Variants in RANBP2 observed in about 807,000 individuals in gnomAD.
RANBP2 encodes RAN binding protein 2.
Under a neutral mutation model 303.6 loss-of-function variants are expected in RANBP2, and 57 were observed. That is an observed-to-expected ratio of 0.19 (90% CI 0.15 to 0.23). RANBP2 has a LOEUF of 0.23. RANBP2 is among the 10% of genes least tolerant of loss of function. The pLI is 1.00. For missense variants in RANBP2, 3,138 were observed against 3,780.8 expected (o/e 0.83, Z 4.46); for synonymous variants, 1,167 against 1,301.5 (o/e 0.90, Z 2.23).
the RANBP2 span, chr2:108,910,391 C>A: frequency 3.0e-6 from 4 of 1,323,262 alleles, no homozygotes; most frequent in Non-Finnish European, 4.3e-6. Flanking sequence ...CGGCTGCACC[C>A]TGGTTCCCCT....
the RANBP2 span, among the ~76,000 whole-genome samples, chr2:108,965,492 C>A: frequency 9.9e-5 from 15 of 151,234 alleles, no homozygotes; most frequent in African/African-American, 3.4e-4. Context: ...TAATAAATGA[C>A]CCAGTTGTTC....
the RANBP2 span, among the ~76,000 whole-genome samples, chr2:109,443,311 G>A: frequency 6.6e-6 from 1 of 152,218 alleles, no homozygotes; most frequent in Non-Finnish European, 1.5e-5. Context: ...TGGCCTCAGA[G>A]CCAAAACTTT....
chr2:109,665,331 T>G, the RANBP2 span: 140,724 of 150,036 alleles, frequency 0.94, 66,346 homozygotes, highest in Non-Finnish European at 0.99. Context: ...AGGTTGATAA[T>G]GTCGCAAGCA....
chr2:109,701,650 G>A, the RANBP2 span, among the ~76,000 whole-genome samples: 2 of 152,130 alleles, frequency 1.3e-5, no homozygotes, highest in Admixed American at 1.3e-4. Flanking sequence ...TTAAAGGGAT[G>A]ACTTCTAGAG....
the RANBP2 span, among the ~76,000 whole-genome samples, chr2:108,976,252 G>C: frequency 3.9e-5 from 6 of 152,306 alleles, no homozygotes; most frequent in Admixed American, 3.9e-4. Flanking sequence ...AAGTTTTGAG[G>C]AGCACTGGAC....
chr2:109,256,055 G>T, the RANBP2 span, among the ~76,000 whole-genome samples: 1 of 152,138 alleles, frequency 6.6e-6, no homozygotes, highest in East Asian at 1.9e-4. Context: ...CCTCACAAAT[G>T]TAAGCCTGTA....
the RANBP2 span, among the ~76,000 whole-genome samples, chr2:109,022,950 C>A: frequency 6.6e-6 from 1 of 152,038 alleles, no homozygotes; most frequent in Admixed American, 6.6e-5. Flanking sequence ...ACTCAGCAGG[C>A]TGAGGCAGGA....
At chr2:109,333,824 GATA>G in the RANBP2 span, among the ~76,000 whole-genome samples, 10 of 152,226 alleles carry the variant, frequency 6.6e-5, no homozygotes, top group African/African-American at 9.6e-5. Context: ...ATAATATGGA[GATA>G]ATAATATCTC....
chr2:109,287,625 A>G, the RANBP2 span, among the ~76,000 whole-genome samples: 16 of 152,226 alleles, frequency 1.1e-4, no homozygotes, highest in East Asian at 1.9e-3. Context: ...GATTTGTCCA[A>G]TGGGAGGCGG....
chr2:108,805,454 G>A, the RANBP2 span, among the ~76,000 whole-genome samples: 676 of 152,146 alleles, frequency 4.4e-3, 4 homozygotes, highest in African/African-American at 0.016. Context: ...GGCCAGGCGC[G>A]GTGGCTCACG....
At chr2:108,992,338 A>G in the RANBP2 span, among the ~76,000 whole-genome samples, 1 of 152,222 alleles carries the variant, frequency 6.6e-6, no homozygotes, top group Non-Finnish European at 1.5e-5. Flanking sequence ...TTGGGGAGGC[A>G]TAGAGTAATC....
In RANBP2 at chr2:108,772,928, A is replaced by G; in HGVS notation, c.8174A>G (p.Lys2725Arg). 2 of 1,614,130 alleles carry G rather than the reference A, an allele frequency of 1.2e-6. No homozygotes were observed. Among genetic ancestry groups the G allele is most frequent in the Non-Finnish European group, 1.7e-6 (2 of 1,180,004 alleles). ...EKKPTVEEKA[K>R]ADTLKLPPTF... ...AAACCAACAGTTGAAGAGAAGGCAA[A>G]AGCAGATACGTTAAAACTTCCACCT... Residue 2725 changes from lysine to arginine, a missense_variant, in exon 23 of 29, where the codon AAA becomes AGA. Transcript: ENST00000283195.
chr2:108,842,173 G>A, the RANBP2 span, among the ~76,000 whole-genome samples: 1 of 150,806 alleles, frequency 6.6e-6, no homozygotes, highest in Admixed American at 6.6e-5. Flanking sequence ...GATTACAGAC[G>A]TTCGCCACCA....
the RANBP2 span, among the ~76,000 whole-genome samples, chr2:109,340,069 T>A: frequency 1.3e-5 from 2 of 152,144 alleles, no homozygotes; most frequent in South Asian, 2.1e-4. Flanking sequence ...CTGTGAGCAG[T>A]AATCGGGTTA....
the RANBP2 span, among the ~76,000 whole-genome samples, chr2:109,168,648 C>T: frequency 7.1e-6 from 1 of 141,144 alleles, no homozygotes; most frequent in East Asian, 2.1e-4. Flanking sequence ...CATGGACTGG[C>T]AGCTGCTCAA....
chr2:109,699,574 ATATTTAT>A, the RANBP2 span, among the ~76,000 whole-genome samples: 2 of 152,182 alleles, frequency 1.3e-5, no homozygotes, highest in African/African-American at 4.8e-5. Context: ...AAGAGAAAAT[ATATTTAT>A]TATTTATTAA....
the RANBP2 span, among the ~76,000 whole-genome samples, chr2:108,918,591 G>A: frequency 0.027 from 4,037 of 152,236 alleles, 176 homozygotes; most frequent in African/African-American, 0.092. Flanking sequence ...GAAAATGAGC[G>A]GGGACTGGTT....
At chr2:109,675,829 T>C in the RANBP2 span, among the ~76,000 whole-genome samples, 3 of 152,236 alleles carry the variant, frequency 2.0e-5, no homozygotes, top group East Asian at 5.8e-4. Context: ...GCAGAACAAC[T>C]CCAGGCGGCC....
At chr2:108,895,166 T>A in the RANBP2 span, 1 of 152,648 alleles carries the variant, frequency 6.6e-6, no homozygotes, top group Non-Finnish European at 1.5e-5. Flanking sequence ...CAGTAAATGA[T>A]GATATTAAAT....
Sources: allele counts gnomAD v4.1 joint callset (sites outside exome capture counted in the v4.1 genomes callset), GRCh38; gene constraint gnomAD v4.1.1; transcripts MANE v1.5; gene names NCBI Gene and HGNC (gene_info 2026-07-23, HGNC 2026-07-21).